LSAMP: variants seen among roughly 807,000 people sequenced by gnomAD.
LSAMP encodes the protein limbic system-associated membrane protein.
A neutral mutation model predicts 38.6 loss-of-function variants in LSAMP; 7 were observed. The observed-to-expected ratio is 0.18, with a 90% CI of 0.10 to 0.34. LSAMP has a LOEUF of 0.34. Ranked by LOEUF, LSAMP falls within the 10% of genes least tolerant of loss-of-function variation. The probability of loss-of-function intolerance (pLI) is 1.00; values close to 1 mark genes in which losing one functional copy is unlikely to be tolerated. For missense variants in LSAMP, 313 were observed against 420.0 expected (o/e 0.75, Z 2.23); for synonymous variants, 154 against 166.8 (o/e 0.92, Z 0.59).
chr3:116,392,656 G>T (rs561649715), intron 1 of LSAMP, among the ~76,000 whole-genome samples: 1 of 152,330 alleles, frequency 6.6e-6, no homozygotes, highest in South Asian at 2.1e-4. Flanking sequence ...TCTGGTTGGG[G>T]AGGGTCTGAA....
chr3:116,092,787 T>C (rs1708152196), intron 1 of LSAMP, among the ~76,000 whole-genome samples: 1 of 152,176 alleles, frequency 6.6e-6, no homozygotes. Flanking sequence ...CTAAAATCAG[T>C]TTGTACCAAC....
intron 3 of LSAMP, among the ~76,000 whole-genome samples, chr3:116,010,179 A>G (rs1380777261): frequency 6.6e-6 from 1 of 152,214 alleles, no homozygotes; most frequent in Non-Finnish European, 1.5e-5. Context: ...GGCCTCCCAA[A>G]GTGCTGGGAT....
At chr3:115,938,872 A>G (rs929492736) in intron 3 of LSAMP, among the ~76,000 whole-genome samples, 3 of 152,156 alleles carry the variant, frequency 2.0e-5, no homozygotes, top group Non-Finnish European at 4.4e-5. Flanking sequence ...AAGACAAGGA[A>G]TTCATCCATT....
At chr3:115,869,301 A>AGAGAGAGAGAGAGAGAGACT (rs1410947626) in intron 3 of LSAMP, among the ~76,000 whole-genome samples, 1 of 151,452 alleles carries the variant, frequency 6.6e-6, no homozygotes, top group African/African-American at 2.4e-5. Flanking sequence ...AGAGAGAGAG[A>AGAGAGAGAGAGAGAGAGACT]GACTGACTGA....
At chr3:116,232,351 C>T (rs188233731) in intron 1 of LSAMP, among the ~76,000 whole-genome samples, 3 of 152,230 alleles carry the variant, frequency 2.0e-5, no homozygotes, top group Admixed American at 1.3e-4. Context: ...GTTCTCAATC[C>T]CACGGATTAT....
At chr3:115,974,279 A>G (rs1474631106) in intron 3 of LSAMP, among the ~76,000 whole-genome samples, 1 of 152,020 alleles carries the variant, frequency 6.6e-6, no homozygotes, top group Non-Finnish European at 1.5e-5. Flanking sequence ...GGGAAGAGGG[A>G]GTTGCAGTGA....
At chr3:116,011,429 A>G (rs575511806) in intron 3 of LSAMP, among the ~76,000 whole-genome samples, 38 of 152,296 alleles carry the variant, frequency 2.5e-4, no homozygotes, top group African/African-American at 8.7e-4. Context: ...CAAGTGAATA[A>G]AGTACACTCT....
chr3:116,428,099 C>T (rs957250011), intron 1 of LSAMP, among the ~76,000 whole-genome samples: 5 of 152,120 alleles, frequency 3.3e-5, no homozygotes, highest in African/African-American at 9.7e-5. Context: ...TAGGACTCTC[C>T]GTCTCTCTAC....
Position 116,250,005 on chromosome 3 carries a change from C to T in LSAMP, c.156-163449G>A, listed in dbSNP as rs186964338. The stretch of plus-strand genomic sequence containing the variant: ...AAATCCTATTTTATTAACAAAGGTT[C>T]GTAGATCGAGAAAGATAACTGACTT... On this transcript the variant is annotated intron_variant, in intron 1 of 6. Transcript: ENST00000490035. Among the ~76,000 whole-genome samples, 24 of 152,160 alleles carry T rather than the reference C, an allele frequency of 1.6e-4. No individual in the cohort carries two copies. The East Asian group carries it at 3.9e-3, about 25-fold the overall frequency.
At chr3:116,252,091 T>G (rs1490923620) in intron 1 of LSAMP, among the ~76,000 whole-genome samples, 1 of 152,198 alleles carries the variant, frequency 6.6e-6, no homozygotes, top group Admixed American at 6.5e-5. Flanking sequence ...CTCTCACTGT[T>G]GGCTAGAAAC....
In LSAMP at chr3:115,807,215, G is replaced by C. The variant is rs577398043; in HGVS notation, c.*3102C>G. The C allele has an allele frequency of 6.6e-6, 1 of 152,132 alleles. No homozygotes were observed. The highest frequency in any genetic ancestry group is 1.5e-5 in the Non-Finnish European group (1 of 67,990). 9.4% of individuals were successfully genotyped at this position (152,132 alleles called of 1,614,324 possible). ...AATGATTTCTTGGTGTCAGTCCTCT[G>C]GCCCTACCTTTCCCTGACTTTTCTC... On this transcript the variant is annotated 3_prime_UTR_variant, in exon 7 of 7. Transcript: ENST00000490035.
chr3:115,994,246 G>A (rs1441494915), intron 3 of LSAMP, among the ~76,000 whole-genome samples: 2 of 152,148 alleles, frequency 1.3e-5, no homozygotes, highest in South Asian at 2.1e-4. Flanking sequence ...CAGGGAAAGA[G>A]GGAGGAACCA....
intron 6 of LSAMP, among the ~76,000 whole-genome samples, chr3:115,819,242 G>A (rs1474850007): frequency 2.6e-5 from 4 of 151,892 alleles, no homozygotes; most frequent in African/African-American, 7.3e-5. Flanking sequence ...TCAGGAGTTC[G>A]ACCAACACAG....
intron 1 of LSAMP, among the ~76,000 whole-genome samples, chr3:116,336,430 G>C (rs1360961822): frequency 6.6e-6 from 1 of 151,894 alleles, no homozygotes; most frequent in East Asian, 1.9e-4. Flanking sequence ...CAAAAATCTT[G>C]ATTCAAAAAT....
At chr3:116,234,550 T>C (rs1329501091) in intron 1 of LSAMP, among the ~76,000 whole-genome samples, 5 of 152,244 alleles carry the variant, frequency 3.3e-5, no homozygotes, top group East Asian at 1.9e-4. Flanking sequence ...TACTCTTGTT[T>C]AAAATTCAAC....
At chr3:115,834,041 G>GA (rs909185694) in intron 6 of LSAMP, among the ~76,000 whole-genome samples, 17 of 148,848 alleles carry the variant, frequency 1.1e-4, no homozygotes, top group South Asian at 2.1e-4. Flanking sequence ...TAAAAGGAAA[G>GA]AAAAAAAAAC....
At chr3:116,428,620 GT>G (rs2049236621) in intron 1 of LSAMP, among the ~76,000 whole-genome samples, 1 of 152,138 alleles carries the variant, frequency 6.6e-6, no homozygotes, top group African/African-American at 2.4e-5. Flanking sequence ...TGCTTAGTGT[GT>G]ATATGGAAGT....
intron 1 of LSAMP, among the ~76,000 whole-genome samples, chr3:116,111,974 T>C (rs1048564046): frequency 6.6e-6 from 1 of 152,164 alleles, no homozygotes; most frequent in African/African-American, 2.4e-5. Context: ...AGGGAGACAA[T>C]AGAAGGTTTA....
chr3:116,218,745 C>T (rs769155443), intron 1 of LSAMP, among the ~76,000 whole-genome samples: 3 of 152,138 alleles, frequency 2.0e-5, no homozygotes, highest in Non-Finnish European at 2.9e-5. Flanking sequence ...CTGAAGTGAA[C>T]CTCCTGATCC....
Sources: gnomAD v4.1 joint callset for allele counts (sites outside exome capture counted in the v4.1 genomes callset) on GRCh38, gnomAD v4.1.1 for gene constraint, MANE v1.5 for transcripts, NCBI Gene and HGNC (gene_info 2026-07-23, HGNC 2026-07-21) for gene names.